LRRC1: variants seen among roughly 807,000 people sequenced by gnomAD.
The protein encoded by LRRC1 is leucine rich repeat containing 1.
Under a neutral mutation model 69.9 loss-of-function variants are expected in LRRC1, and 28 were observed. The ratio of observed to expected loss-of-function variants is 0.40; its 90% CI spans 0.30 to 0.55. LRRC1 has a LOEUF of 0.55. LRRC1 is among the 20% of genes least tolerant of loss of function. The probability of loss-of-function intolerance (pLI) is 0.47; values close to 1 mark genes in which losing one functional copy is unlikely to be tolerated. For missense variants in LRRC1, 498 were observed against 609.0 expected, an observed-to-expected ratio of 0.82 and a Z score of 1.92; for synonymous variants, 236 against 240.2, an observed-to-expected ratio of 0.98 and a Z score of 0.16.
chr6:53,807,772 C>G (rs564376328), intron 1 of LRRC1, among the ~76,000 whole-genome samples: 7 of 152,200 alleles, frequency 4.6e-5, no homozygotes, highest in Middle Eastern at 3.4e-3. Context: ...ACAACAACAA[C>G]AACAACAACA....
chr6:53,903,392 G>A (rs577825786), intron 9 of LRRC1, among the ~76,000 whole-genome samples: 5 of 152,126 alleles, frequency 3.3e-5, no homozygotes, highest in East Asian at 1.9e-4. Flanking sequence ...GATCTCAGTC[G>A]TCTTTTCCTG....
chr6:53,810,185 C>T (rs1183166108), intron 1 of LRRC1, among the ~76,000 whole-genome samples: 1 of 152,198 alleles, frequency 6.6e-6, no homozygotes, highest in African/African-American at 2.4e-5. Context: ...CTGATTCTTG[C>T]AGACACCCTT....
intron 12 of LRRC1, among the ~76,000 whole-genome samples, chr6:53,920,287 T>C (rs1236554606): frequency 3.3e-5 from 5 of 152,172 alleles, no homozygotes; most frequent in African/African-American, 1.2e-4. Flanking sequence ...AGTTTTGAAG[T>C]TGTATAAAAT....
At chr6:53,906,593 A>G (rs564134079) in intron 10 of LRRC1, among the ~76,000 whole-genome samples, 3 of 152,160 alleles carry the variant, frequency 2.0e-5, no homozygotes, top group Non-Finnish European at 4.4e-5. Context: ...CCTCTTTTTC[A>G]CTTTAAAAGA....
chr6:53,920,504 T>C, intron 12 of LRRC1, 121 bp from the exon 13 acceptor site: 1 of 1,021,602 alleles, frequency 9.8e-7, no homozygotes, highest in Non-Finnish European at 1.4e-6. Context: ...ACACCCCCCT[T>C]ATTTCTGGTG....
At chr6:53,840,162 A>C (rs1264884046) in intron 1 of LRRC1, among the ~76,000 whole-genome samples, 1 of 152,174 alleles carries the variant, frequency 6.6e-6, no homozygotes, top group South Asian at 2.1e-4. Context: ...TGGAGTCCTG[A>C]GAAAGGTGCA....
chr6:53,845,977 A>G (rs920238041), intron 2 of LRRC1, among the ~76,000 whole-genome samples: 4 of 152,200 alleles, frequency 2.6e-5, no homozygotes, highest in South Asian at 2.1e-4. Context: ...TCTTCCGGCC[A>G]TTCCTTGTTA....
At chr6:53,823,233 T>C (rs1238479644) in intron 1 of LRRC1, among the ~76,000 whole-genome samples, 1 of 152,212 alleles carries the variant, frequency 6.6e-6, no homozygotes, top group Non-Finnish European at 1.5e-5. Flanking sequence ...ATGGACCATA[T>C]TGATAGGAAT....
intron 2 of LRRC1, among the ~76,000 whole-genome samples, chr6:53,870,368 G>T (rs188875402): frequency 1.3e-5 from 2 of 151,996 alleles, no homozygotes; most frequent in African/African-American, 4.8e-5. Context: ...TTTGTTTTTC[G>T]TTGATAGAGT....
rs537476127 is a variant in LRRC1 at position 53,891,333 on chromosome 6, A to G, written c.447-5165A>G. 3.3e-5 allele frequency among the ~76,000 whole-genome samples: 5 copies of G among 152,290 alleles called. No individual in the cohort carries two copies. In the East Asian group the frequency reaches 9.6e-4, roughly 29 times the overall value. On this transcript the variant is annotated intron_variant, in intron 4 of 13. Coordinates refer to ENST00000370888, the MANE Select transcript of LRRC1 (RefSeq NM_018214.5). Reference sequence around the variant, plus strand: ...AGAAATTAATTTGTCAGAAATTAAAATTGAAGGATGAAATGTTTATTAATA... The same window carrying G: ...AGAAATTAATTTGTCAGAAATTAAAGTTGAAGGATGAAATGTTTATTAATA...
intron 1 of LRRC1, among the ~76,000 whole-genome samples, chr6:53,821,194 A>C (rs895938903): frequency 2.6e-5 from 4 of 152,170 alleles, no homozygotes; most frequent in African/African-American, 9.7e-5. Flanking sequence ...CATCATTTGA[A>C]TGCTTTGTGG....
chr6:53,808,307 GA>G (rs1764694054), intron 1 of LRRC1, among the ~76,000 whole-genome samples: 1 of 152,126 alleles, frequency 6.6e-6, no homozygotes, highest in African/African-American at 2.4e-5. Context: ...TATTGATGGG[GA>G]GGGGGTAGCA....
intron 2 of LRRC1, among the ~76,000 whole-genome samples, chr6:53,859,212 A>C (rs73430290): frequency 0.017 from 2,547 of 152,300 alleles, 75 homozygotes; most frequent in African/African-American, 0.059. Flanking sequence ...GACATTCAGG[A>C]GTGATGGAAG....
chr6:53,920,711 A>G lies in LRRC1; in HGVS notation c.1366A>G (p.Ser456Gly). ...AWNERAVNRV[S>G]AIRFVEDEKD... ...GAACGAGCGTGCTGTCAACAGAGTCAGTGCGATCCGATTTGTGGAGGATGA... is the reference window on the plus strand; with the variant it reads ...GAACGAGCGTGCTGTCAACAGAGTCGGTGCGATCCGATTTGTGGAGGATGA... The change falls in exon 13 of 14, where the codon AGT becomes GGT. Residue 456 changes from serine (S) to glycine (G), a missense_variant. Physicochemically the swap from Ser to Gly is moderately conservative, Grantham distance 56. This residue lies in a region of LRRC1 where 162 missense variants were observed against 162.9 expected (regional missense o/e 0.99). Transcript: ENST00000370888. 2 of 1,614,202 alleles carry G rather than the reference A, an allele frequency of 1.2e-6. No homozygotes were observed. The highest frequency in any genetic ancestry group is 1.7e-6 in the Non-Finnish European group (2 of 1,180,008).
At chr6:53,809,643 A>C (rs1764733837) in intron 1 of LRRC1, among the ~76,000 whole-genome samples, 1 of 152,244 alleles carries the variant, frequency 6.6e-6, no homozygotes, top group Admixed American at 6.5e-5. Context: ...TATATATTCT[A>C]AAATGTTTAT....
At chr6:53,817,213 G>A (rs2127407605) in intron 1 of LRRC1, among the ~76,000 whole-genome samples, 1 of 152,244 alleles carries the variant, frequency 6.6e-6, no homozygotes, top group Admixed American at 6.5e-5. Flanking sequence ...CTGCCATCTG[G>A]CACTGTGCAT....
chr6:53,922,898 G>A lies in LRRC1; in HGVS notation c.*105G>A, dbSNP rs1413039567. ...GCTCCTTGTCCTAACCAGCCCCCGC[G>A]CGCCATCTTCCCGTGGAGTGTGGGG... On this transcript the variant is annotated 3_prime_UTR_variant, in exon 14 of 14. Coordinates refer to ENST00000370888, the MANE Select transcript of LRRC1 (RefSeq NM_018214.5). The A allele has an allele frequency of 2.2e-5, 25 of 1,119,544 alleles. 1 individual carries two copies. The highest frequency in any genetic ancestry group is 1.7e-4 in the South Asian group (11 of 64,970). The allele number at this position is 1,119,544 out of a possible 1,614,324, so 69.4% of individuals were successfully genotyped here. A position where few individuals can be genotyped will look rare whatever the true frequency, so the allele number is the denominator to read the frequency against.
chr6:53,911,982 A>AT (rs1768426914), intron 10 of LRRC1, among the ~76,000 whole-genome samples: 1 of 152,204 alleles, frequency 6.6e-6, no homozygotes, highest in South Asian at 2.1e-4. Context: ...TACTCTGGTG[A>AT]TTCTTACTGG....
intron 1 of LRRC1, among the ~76,000 whole-genome samples, chr6:53,827,459 C>T (rs1157527220): frequency 6.6e-6 from 1 of 152,026 alleles, no homozygotes; most frequent in Non-Finnish European, 1.5e-5. Flanking sequence ...GCTCATTAAT[C>T]TCTTGAAGGA....
Sources: allele counts gnomAD v4.1 joint callset (sites outside exome capture counted in the v4.1 genomes callset), GRCh38; gene constraint gnomAD v4.1.1; regional missense constraint gnomAD v4.1.1; transcripts MANE v1.5; gene names NCBI Gene and HGNC (gene_info 2026-07-23, HGNC 2026-07-21).